IPP: variants seen among roughly 807,000 people sequenced by gnomAD.
The protein encoded by IPP is intracisternal A particle-promoted polypeptide, also known as actin-binding protein IPP.
IPP carries 41 observed loss-of-function variants against 64.1 expected under a neutral mutation model. The ratio of observed to expected loss-of-function variants is 0.64; its 90% confidence interval spans 0.50 to 0.83. The LOEUF (loss-of-function observed/expected upper bound fraction) is 0.83. Among genes scored for constraint, IPP ranks in the 40% least tolerant of loss-of-function variants. The pLI, the probability that IPP is intolerant of heterozygous loss-of-function variation, is 0.00. For missense variants in IPP, 649 were observed against 703.0 expected (o/e 0.92, Z 0.87); for synonymous variants, 214 against 235.2 (o/e 0.91, Z 0.83).
downstream of IPP, chr1:45,697,941 G>C (rs1461352465): frequency 4.8e-5 from 7 of 144,344 alleles, no homozygotes; most frequent in Non-Finnish European, 7.6e-5. Flanking sequence ...CTGAGTGACA[G>C]GGCAAGACTC....
intron 8 of IPP, among the ~76,000 whole-genome samples, chr1:45,701,458 T>C (rs1195790189): frequency 6.6e-6 from 1 of 152,202 alleles, no homozygotes; most frequent in Admixed American, 6.5e-5. Flanking sequence ...TGGCTAATTT[T>C]TAGTATTTTT....
intron 1 of IPP, among the ~76,000 whole-genome samples, chr1:45,749,785 G>T (rs958557829): frequency 6.6e-6 from 1 of 152,042 alleles, no homozygotes; most frequent in South Asian, 2.1e-4. Context: ...CTCCCAAAGT[G>T]CTGGGATTAC....
rs1337236733 is a variant in IPP, at chr1:45,736,991, C to T, written c.724+3910G>A. 2.8e-5 allele frequency among the ~76,000 whole-genome samples: 4 copies of T among 141,900 alleles called. No homozygotes were observed. The South Asian group carries it at 6.6e-4, about 23-fold the overall frequency. The allele number at this position is 141,900 out of a possible 152,430, so 93.1% of individuals were successfully genotyped here. A position where few individuals can be genotyped will look rare whatever the true frequency, so the allele number is the denominator to read the frequency against. On this transcript the variant is annotated intron_variant, in intron 3 of 8. Coordinates refer to ENST00000396478, the MANE Select transcript of IPP (RefSeq NM_005897.3). ...CCGGGAGGCGGAGGTTGCAGTGAGCCGAGATCGCGCCACTGCACTCCAGCC... is the reference window on the plus strand; with the variant it reads ...CCGGGAGGCGGAGGTTGCAGTGAGCTGAGATCGCGCCACTGCACTCCAGCC...
At chr1:45,716,305 G>A (rs1645658387) in intron 7 of IPP, among the ~76,000 whole-genome samples, 2 of 152,102 alleles carry the variant, frequency 1.3e-5, no homozygotes. Context: ...CAGTGCAGTG[G>A]CACCATCTCG....
chr1:45,747,180 T>A (rs531897681), intron 1 of IPP, among the ~76,000 whole-genome samples: 93 of 152,130 alleles, frequency 6.1e-4, no homozygotes, highest in Middle Eastern at 3.4e-3. Context: ...GTACTATCTT[T>A]CATAGCTTTA....
chr1:45,694,487 C>A (rs1478002330), downstream of IPP: 4 of 1,546,026 alleles, frequency 2.6e-6, no homozygotes, highest in Non-Finnish European at 3.5e-6. Flanking sequence ...TCTCCCACTT[C>A]AAGCGGAAAA....
chr1:45,705,302 A>G (rs1645501071), intron 8 of IPP, among the ~76,000 whole-genome samples: 1 of 152,264 alleles, frequency 6.6e-6, no homozygotes, highest in Non-Finnish European at 1.5e-5. Flanking sequence ...TCTTGAAGAA[A>G]TGGCTGATTC....
intron 8 of IPP, among the ~76,000 whole-genome samples, chr1:45,702,120 C>G (rs1427083173): frequency 6.6e-6 from 1 of 152,052 alleles, no homozygotes; most frequent in Admixed American, 6.6e-5. Context: ...TTAGGGAGAA[C>G]CTTTGCTCTC....
intron 2 of IPP, among the ~76,000 whole-genome samples, chr1:45,745,491 C>A (rs1025328024): frequency 6.6e-6 from 1 of 151,978 alleles, no homozygotes; most frequent in Non-Finnish European, 1.5e-5. Flanking sequence ...TTTGTGAGAT[C>A]TATACATGTA....
intron 3 of IPP, among the ~76,000 whole-genome samples, chr1:45,738,064 T>A (rs28812624): frequency 0.28 from 42,748 of 152,092 alleles, 6,138 homozygotes; most frequent in South Asian, 0.36. Context: ...AAACATAATG[T>A]ACATTAGGTT....
At chr1:45,749,476 A>G (rs1646186427) in intron 1 of IPP, among the ~76,000 whole-genome samples, 1 of 149,614 alleles carries the variant, frequency 6.7e-6, no homozygotes, top group South Asian at 2.2e-4. Context: ...TCCTGTCGGG[A>G]GGATCGCTTG....
intron 2 of IPP, among the ~76,000 whole-genome samples, chr1:45,743,687 T>C (rs2148583955): frequency 6.6e-6 from 1 of 151,848 alleles, no homozygotes; most frequent in South Asian, 2.1e-4. Context: ...CCAGCGTGGG[T>C]GACAAAGCAA....
In IPP at chr1:45,699,071, T is replaced by C; in HGVS notation, c.*895A>G. 1 of 985,420 alleles carries C rather than the reference T, an allele frequency of 1.0e-6. No homozygotes were observed. Among genetic ancestry groups the C allele is most frequent in the South Asian group, 4.7e-5 (1 of 21,290 alleles). The allele number at this position is 985,420 out of a possible 1,614,324, so 61.0% of individuals were successfully genotyped here. A position where few individuals can be genotyped will look rare whatever the true frequency, so the allele number is the denominator to read the frequency against. ...TAGGTGCATACTGCCTGCTGGACTG[T>C]ATAGCCCATTACAACATCTGGTCAC... On this transcript the variant is annotated 3_prime_UTR_variant, in exon 9 of 9. Transcript: ENST00000396478.
chr1:45,721,952 C>T (rs184261296), intron 5 of IPP, among the ~76,000 whole-genome samples: 1 of 152,232 alleles, frequency 6.6e-6, no homozygotes, highest in Non-Finnish European at 1.5e-5. Context: ...GTCTGTAATC[C>T]CAGCTACTTG....
At chr1:45,733,758 G>T (rs1645941451) in intron 3 of IPP, among the ~76,000 whole-genome samples, 1 of 151,786 alleles carries the variant, frequency 6.6e-6, no homozygotes, top group Non-Finnish European at 1.5e-5. Context: ...ATTGAACCTG[G>T]GAGGCGGAGG....
downstream of IPP, chr1:45,695,095 T>G (rs897422784): frequency 6.6e-6 from 1 of 152,570 alleles, no homozygotes; most frequent in Non-Finnish European, 1.5e-5. Flanking sequence ...CATTTCACCA[T>G]GTTGGACAGG....
At chr1:45,735,734 A>G (rs1645971132) in intron 3 of IPP, among the ~76,000 whole-genome samples, 1 of 123,064 alleles carries the variant, frequency 8.1e-6, no homozygotes, top group Non-Finnish European at 1.8e-5. Context: ...GGTTCAAGCA[A>G]TTCTCCTGCC....
At chr1:45,724,588 G>C (rs1330927967) in intron 5 of IPP, among the ~76,000 whole-genome samples, 3 of 150,924 alleles carry the variant, frequency 2.0e-5, no homozygotes, top group South Asian at 2.1e-4. Context: ...GTCTCTGCCC[G>C]GCCGCCCATC....
intron 2 of IPP, among the ~76,000 whole-genome samples, chr1:45,743,862 C>T (rs945055841): frequency 5.4e-5 from 8 of 149,046 alleles, no homozygotes; most frequent in Admixed American, 2.0e-4. Context: ...AAAAAAAATA[C>T]AAAAATTAGC....
Sources: gnomAD v4.1 joint callset for allele counts (sites outside exome capture counted in the v4.1 genomes callset) on GRCh38, gnomAD v4.1.1 for gene constraint, MANE v1.5 for transcripts, NCBI Gene and HGNC (gene_info 2026-07-23, HGNC 2026-07-21) for gene names.